The following AKT2 variants were observed in gnomAD, a reference collection of about 807,000 sequenced individuals.
AKT2 encodes RAC-beta serine/threonine-protein kinase.
AKT2 carries 16 observed loss-of-function variants against 58.6 expected under a neutral mutation model. The observed-to-expected ratio is 0.27, with a 90% CI of 0.18 to 0.41. The LOEUF (loss-of-function observed/expected upper bound fraction) is 0.41, where lower values mean the gene tolerates loss of function less well. Among genes scored for constraint, AKT2 ranks in the 10% least tolerant of loss-of-function variants. AKT2 has a pLI of 1.00. For synonymous variants in AKT2, 253 were observed against 254.0 expected, an observed-to-expected ratio of 1.00 and a Z score of 0.04; for missense variants, 438 against 661.0, an observed-to-expected ratio of 0.66 and a Z score of 3.70.
Position 40,234,591 on chromosome 19 carries a change from T to C in AKT2, c.1366+454A>G, listed in dbSNP as rs771074575. On this transcript the variant is annotated intron_variant, in intron 13 of 13. Transcript: ENST00000392038. The surrounding 1 kb of genome is among the most constrained non-coding windows in gnomAD (Gnocchi z 4.7). ...CCCTAACTGCAGGCCAGGTCGGATA[T>C]TTCCTCTGGGATTCCCCAGTCCCTG... 19 of 417,362 alleles carry C rather than the reference T, an allele frequency of 4.6e-5. No individual in the cohort carries two copies. The highest frequency in any genetic ancestry group is 1.7e-4 in the South Asian group (3 of 17,448). 25.9% of individuals were successfully genotyped at this position (417,362 alleles called of 1,614,324 possible). A position where few individuals can be genotyped will look rare whatever the true frequency, so the allele number is the denominator to read the frequency against.
At chr19:40,236,654 A>G (rs1974050660) in intron 9 of AKT2, 2 of 523,772 alleles carry the variant, frequency 3.8e-6, no homozygotes, top group Admixed American at 6.4e-5. Context: ...CCCCATTGTG[A>G]ACTGTGGTTC....
chr19:40,243,357 T>C (rs1336736664), intron 4 of AKT2: 1 of 153,568 alleles, frequency 6.5e-6, no homozygotes, highest in Non-Finnish European at 1.4e-5. Flanking sequence ...AGCTCAAGTT[T>C]ATAAGTTACC....
intron 1 of AKT2, chr19:40,274,075 T>G (rs2077266837): frequency 6.6e-6 from 1 of 152,596 alleles, no homozygotes; most frequent in Non-Finnish European, 1.5e-5. Flanking sequence ...ACCCATCTTC[T>G]TCACGGAGGC....
At chr19:40,239,710 A>G in intron 7 of AKT2, 1 of 466,560 alleles carries the variant, frequency 2.1e-6, no homozygotes, top group Non-Finnish European at 4.0e-6. Context: ...TCTGAAAACA[A>G]AAACAAAAAA....
chr19:40,240,569 G>A (rs970089498), intron 6 of AKT2, among the ~76,000 whole-genome samples: 1 of 152,178 alleles, frequency 6.6e-6, no homozygotes, highest in Non-Finnish European at 1.5e-5. Context: ...CTACCCCCAG[G>A]CCCACTGAGT....
intron 4 of AKT2, among the ~76,000 whole-genome samples, chr19:40,245,062 G>A (rs979553042): frequency 3.3e-5 from 5 of 152,174 alleles, no homozygotes; most frequent in African/African-American, 1.2e-4. Flanking sequence ...TATGAAACAG[G>A]GTGCCTCCCC....
chr19:40,263,912 C>T (rs1403013588), intron 2 of AKT2, among the ~76,000 whole-genome samples: 7 of 152,192 alleles, frequency 4.6e-5, no homozygotes, highest in Non-Finnish European at 1.0e-4. Context: ...TTCAGATGCC[C>T]CCTTCTCAGC....
rs1267807372 is a variant in AKT2, at chr19:40,237,421, TG to T, written c.831+547del. On this transcript the variant is annotated intron_variant, in intron 9 of 13. Coordinates refer to ENST00000392038, the MANE Select transcript of AKT2 (RefSeq NM_001626.6). This position sits in a 1 kb window ranked among gnomAD's most constrained non-coding sequence, Gnocchi z 4.5. ...AAGCACTTTGGGAGGCTGAGGTGGGTGGATCACAAGGTCAGGAGTTTGAGAC... is the reference window on the plus strand; with the variant it reads ...AAGCACTTTGGGAGGCTGAGGTGGGTGATCACAAGGTCAGGAGTTTGAGAC... The T allele has an allele frequency of 6.4e-6, 1 of 156,586 alleles. No individual in the cohort carries two copies. Among genetic ancestry groups the T allele is most frequent in the Non-Finnish European group, 1.4e-5 (1 of 70,602 alleles). The allele number at this position is 156,586 out of a possible 1,614,324, so 9.7% of individuals were successfully genotyped here.
At chr19:40,269,975 T>A (rs762776419) in intron 1 of AKT2, among the ~76,000 whole-genome samples, 1 of 152,122 alleles carries the variant, frequency 6.6e-6, no homozygotes, top group Non-Finnish European at 1.5e-5. Flanking sequence ...ACATCCCCCT[T>A]TGCTTCTCTG....
rs939944016 is a variant in AKT2, at chr19:40,231,694, T to C, written c.*2178A>G. On this transcript the variant is annotated 3_prime_UTR_variant, in exon 14 of 14. Transcript: ENST00000392038. The stretch of plus-strand genomic sequence containing the variant: ...GTTCCATCCGGCCAGCGCCCGGCCA[T>C]GCAGCCACGTGACTCAAGCACGGGA... The C allele has an allele frequency of 3.0e-5, 7 of 233,290 alleles. No individual in the cohort carries two copies. The highest frequency in any genetic ancestry group is 3.4e-5 in the Non-Finnish European group (4 of 118,152). 14.5% of individuals were successfully genotyped at this position (233,290 alleles called of 1,614,324 possible).
chr19:40,274,992 T>C (rs1286946018), intron 1 of AKT2: 1 of 443,126 alleles, frequency 2.3e-6, no homozygotes, highest in Non-Finnish European at 4.6e-6. Flanking sequence ...GTCCCCAGAA[T>C]AAGCCCTGGG....
At chr19:40,275,275 G>A (rs955317611) in intron 1 of AKT2, 8 of 456,778 alleles carry the variant, frequency 1.8e-5, no homozygotes, top group East Asian at 7.0e-5. Flanking sequence ...TGATGTGCAC[G>A]CATGCACGGG....
intron 1 of AKT2, among the ~76,000 whole-genome samples, chr19:40,265,812 T>C (rs971666611): frequency 6.6e-6 from 1 of 151,960 alleles, no homozygotes; most frequent in African/African-American, 2.4e-5. Context: ...ACACACACTC[T>C]TTTCTCTCTC....
chr19:40,279,945 C>G (rs938302206), intron 1 of AKT2, among the ~76,000 whole-genome samples: 3 of 152,210 alleles, frequency 2.0e-5, no homozygotes, highest in African/African-American at 7.2e-5. Context: ...TCACAGCACT[C>G]CAGTCCCTAC....
intron 3 of AKT2, 133 bp downstream of exon 3, chr19:40,256,793 G>C (rs1975571569): frequency 1.5e-6 from 2 of 1,368,756 alleles, no homozygotes; most frequent in African/African-American, 2.9e-5. Flanking sequence ...AGCAGGGGAA[G>C]GGTGAAAACA....
intron 9 of AKT2, chr19:40,236,844 C>T (rs530788010): frequency 9.0e-6 from 2 of 222,206 alleles, no homozygotes; most frequent in East Asian, 1.2e-4. Context: ...GGCAACACAG[C>T]GAGACCCCAT....
At chr19:40,239,610 G>T (rs1039605826) in intron 7 of AKT2, 1 of 358,182 alleles carries the variant, frequency 2.8e-6, no homozygotes, top group African/African-American at 2.1e-5. Context: ...GTGGCCACTG[G>T]CCTTGATGGA....
rs1359596683 is a variant in AKT2, at chr19:40,233,296, C to T, written c.*576G>A. 2.9e-5 allele frequency: 11 copies of T among 385,286 alleles called. No homozygotes were observed. The East Asian group carries it at 4.9e-4, about 17-fold the overall frequency. 23.9% of individuals were successfully genotyped at this position (385,286 alleles called of 1,614,324 possible). A position where few individuals can be genotyped will look rare whatever the true frequency, so the allele number is the denominator to read the frequency against. Reference sequence around the variant, plus strand: ...TCTGACTCCATTCACCAGGGAGCAGCCCTAACCCCCAGCCCTGCAGCTCCC... The same window carrying T: ...TCTGACTCCATTCACCAGGGAGCAGTCCTAACCCCCAGCCCTGCAGCTCCC... On this transcript the variant is annotated 3_prime_UTR_variant, in exon 14 of 14. Transcript: ENST00000392038. This position sits in a 1 kb window ranked among gnomAD's most constrained non-coding sequence, Gnocchi z 4.3.
chr19:40,244,054 TAAAATAATA>T (rs1404373815), intron 4 of AKT2: 1 of 55,308 alleles, frequency 1.8e-5, no homozygotes, highest in African/African-American at 7.7e-5. Flanking sequence ...AAAATAATAA[TAAAATAATA>T]ATAATAATAA....
Sources: allele counts gnomAD v4.1 joint callset (sites outside exome capture counted in the v4.1 genomes callset), GRCh38; gene constraint gnomAD v4.1.1; non-coding constraint Gnocchi (gnomAD v3.1); transcripts MANE v1.5; gene names NCBI Gene and HGNC (gene_info 2026-07-23, HGNC 2026-07-21).